Variants in INSC observed in about 807,000 individuals in gnomAD.
INSC encodes the protein INSC spindle orientation adaptor protein.
Under a neutral mutation model 58.6 loss-of-function variants are expected in INSC, and 67 were observed. The ratio of observed to expected loss-of-function variants is 1.14; its 90% CI spans 0.94 to 1.40. The LOEUF is 1.40. Among genes scored for constraint, INSC ranks in the 40% most tolerant of loss-of-function variants. The pLI, the probability that INSC is intolerant of heterozygous loss-of-function variation, is 0.00. For missense variants in INSC, 714 were observed against 692.0 expected (o/e 1.03, Z -0.36); for synonymous variants, 262 against 276.1 (o/e 0.95, Z 0.51).
chr11:15,191,861 G>T (rs115649113), intron 6 of INSC, among the ~76,000 whole-genome samples: 3,187 of 152,278 alleles, frequency 0.021, 127 homozygotes, highest in African/African-American at 0.073. Context: ...AGCAGGAGGA[G>T]AATCTGGGTC....
At chr11:15,267,950 C>G in the INSC span, among the ~76,000 whole-genome samples, 1 of 151,992 alleles carries the variant, frequency 6.6e-6, no homozygotes, top group Non-Finnish European at 1.5e-5. Context: ...GTGCAGCTCT[C>G]TCATCACTGA....
intron 6 of INSC, among the ~76,000 whole-genome samples, chr11:15,193,653 G>A (rs1037180398): frequency 5.3e-5 from 8 of 152,170 alleles, no homozygotes; most frequent in Non-Finnish European, 1.2e-4. Context: ...AGTATTCCAT[G>A]GTGTATATGT....
intron 6 of INSC, among the ~76,000 whole-genome samples, chr11:15,193,173 A>G (rs1416270317): frequency 1.3e-5 from 2 of 152,244 alleles, no homozygotes; most frequent in African/African-American, 4.8e-5. Context: ...TTATGGAATT[A>G]TTGGGGCCTT....
At chr11:15,216,923 G>A (rs1427217824) in intron 7 of INSC, among the ~76,000 whole-genome samples, 1 of 152,200 alleles carries the variant, frequency 6.6e-6, no homozygotes, top group Non-Finnish European at 1.5e-5. Flanking sequence ...TATACATGCA[G>A]TCTCTCATTT....
chr11:15,224,558 C>T (rs1436361770), intron 8 of INSC, among the ~76,000 whole-genome samples: 1 of 152,166 alleles, frequency 6.6e-6, no homozygotes, highest in Non-Finnish European at 1.5e-5. Context: ...GGCCTTGCCT[C>T]CTGTGGTTTT....
rs1407310085 is a variant in INSC at position 15,175,881 on chromosome 11, G to GTGGCCC, written c.207_212dup (p.Pro70_Gly71dup). 1.2e-5 allele frequency: 20 copies of GTGGCCC among 1,613,980 alleles called. No homozygotes were observed. Among genetic ancestry groups the GTGGCCC allele is most frequent in the Non-Finnish European group, 1.4e-5 (17 of 1,179,946 alleles). On this transcript the variant is annotated inframe_insertion, in exon 3 of 13. Coordinates refer to ENST00000379556, the MANE Select transcript of INSC (RefSeq NM_001042536.3). ...GCACAGGGTGACCTCATCCTGGCAGGTGGCCCTGGCCCTGGAGACCCCCTG... is the reference window on the plus strand; with the variant it reads ...GCACAGGGTGACCTCATCCTGGCAGGTGGCCCTGGCCCTGGCCCTGGAGACCCCCTG...
chr11:15,266,378 C>A, the INSC span, among the ~76,000 whole-genome samples: 2 of 151,896 alleles, frequency 1.3e-5, no homozygotes, highest in African/African-American at 4.8e-5. Flanking sequence ...CTATTAGCAA[C>A]TTTAAGGTCA....
chr11:15,166,994 A>G (rs1470322275), intron 2 of INSC, among the ~76,000 whole-genome samples: 2 of 152,224 alleles, frequency 1.3e-5, no homozygotes, highest in African/African-American at 2.4e-5. Context: ...ATAAGTGCAC[A>G]GCTCTCGAGG....
Position 15,244,038 on chromosome 11 carries a change from T to C in INSC, c.1471-1874T>C, listed in dbSNP as rs181065990. ...TTGGCTATTTCCCTTTTCTGTCTTA[T>C]TTGCTCTCTTGATAGGTCTATGTTC... is the stretch of plus-strand genomic sequence containing the variant. On this transcript the variant is annotated intron_variant, in intron 12 of 12. Coordinates refer to ENST00000379556, the MANE Select transcript of INSC (RefSeq NM_001042536.3). 2.5e-3 allele frequency among the ~76,000 whole-genome samples: 376 copies of C among 152,282 alleles called. 2 individuals carry two copies. Among genetic ancestry groups the C allele is most frequent in the African/African-American group, 8.8e-3 (364 of 41,550 alleles).
At chr11:15,159,012 G>A (rs991463983) in intron 2 of INSC, among the ~76,000 whole-genome samples, 10 of 152,122 alleles carry the variant, frequency 6.6e-5, no homozygotes, top group African/African-American at 2.2e-4. Context: ...AGGTCTCCAG[G>A]CCTGGCCCCA....
chr11:15,125,626 A>C (rs368883844), intron 1 of INSC, among the ~76,000 whole-genome samples: 1 of 152,124 alleles, frequency 6.6e-6, no homozygotes, highest in Non-Finnish European at 1.5e-5. Context: ...CTTTGTATCC[A>C]TTCCTCTGTT....
At chr11:15,261,346 C>T in the INSC span, among the ~76,000 whole-genome samples, 3 of 152,278 alleles carry the variant, frequency 2.0e-5, no homozygotes, top group South Asian at 2.1e-4. Flanking sequence ...GTTTATAACA[C>T]TTTCTTATAT....
intron 5 of INSC, among the ~76,000 whole-genome samples, chr11:15,189,605 A>C (rs999619546): frequency 6.6e-6 from 1 of 152,152 alleles, no homozygotes; most frequent in African/African-American, 2.4e-5. Flanking sequence ...TGTTGCTCTT[A>C]AGTGTCTTTT....
At chr11:15,154,443 C>T (rs771181678) in intron 2 of INSC, among the ~76,000 whole-genome samples, 1 of 152,162 alleles carries the variant, frequency 6.6e-6, no homozygotes, top group Non-Finnish European at 1.5e-5. Flanking sequence ...TAAATACGCC[C>T]TTTGAGTGGG....
chr11:15,194,039 C>T (rs1168599658), intron 6 of INSC, among the ~76,000 whole-genome samples: 1 of 152,180 alleles, frequency 6.6e-6, no homozygotes, highest in African/African-American at 2.4e-5. Context: ...ATACTACATT[C>T]AAGGAAGACT....
intron 1 of INSC, among the ~76,000 whole-genome samples, chr11:15,123,788 T>A (rs1467748197): frequency 6.6e-6 from 1 of 152,202 alleles, no homozygotes; most frequent in Non-Finnish European, 1.5e-5. Flanking sequence ...GGTTCCCAGG[T>A]GGTCCTGACT....
chr11:15,252,977 C>G, the INSC span, among the ~76,000 whole-genome samples: 18 of 152,260 alleles, frequency 1.2e-4, no homozygotes, highest in Middle Eastern at 3.4e-3. Flanking sequence ...AATGAGCATA[C>G]AGAACTGAAA....
chr11:15,121,643 C>T (rs1311496812), intron 1 of INSC, among the ~76,000 whole-genome samples: 6 of 152,114 alleles, frequency 3.9e-5, no homozygotes, highest in African/African-American at 9.7e-5. Context: ...TAACCTGTTC[C>T]TTATCAAACT....
intron 1 of INSC, among the ~76,000 whole-genome samples, chr11:15,118,972 C>T (rs1847802532): frequency 6.6e-6 from 1 of 152,242 alleles, no homozygotes; most frequent in African/African-American, 2.4e-5. Context: ...CAAGGCTAAA[C>T]AACTAGCCCA....
Sources: allele counts gnomAD v4.1 joint callset (sites outside exome capture counted in the v4.1 genomes callset), GRCh38; gene constraint gnomAD v4.1.1; transcripts MANE v1.5; gene names NCBI Gene and HGNC (gene_info 2026-07-23, HGNC 2026-07-21).